The following DDX10 variants were observed in gnomAD, a reference collection of about 807,000 sequenced individuals.
DDX10 encodes the protein DEAD-box helicase 10.
A neutral mutation model predicts 104.3 loss-of-function variants in DDX10; 74 were observed. The observed-to-expected ratio is 0.71, with a 90% CI of 0.59 to 0.86. The LOEUF (loss-of-function observed/expected upper bound fraction) is 0.86, where lower values mean the gene tolerates loss of function less well. Among genes scored for constraint, DDX10 ranks in the 40% least tolerant of loss-of-function variants. DDX10 has a pLI of 0.00. For synonymous variants in DDX10, 351 were observed against 353.4 expected (o/e 0.99, Z 0.08); for missense variants, 952 against 1,040.0 (o/e 0.92, Z 1.16).
chr11:108,790,406 A>C (rs1411032862), intron 13 of DDX10, among the ~76,000 whole-genome samples: 1 of 152,200 alleles, frequency 6.6e-6, no homozygotes, highest in Non-Finnish European at 1.5e-5. Context: ...TGTGCAGATA[A>C]ATAACAATAT....
At chr11:108,702,045 C>T (rs1308603908) in intron 9 of DDX10, among the ~76,000 whole-genome samples, 4 of 152,020 alleles carry the variant, frequency 2.6e-5, no homozygotes, top group African/African-American at 4.8e-5. Context: ...ATTTGTTGTG[C>T]ATGTTTTAGG....
chr11:108,871,697 G>T (rs1863084028), intron 16 of DDX10, among the ~76,000 whole-genome samples: 1 of 152,142 alleles, frequency 6.6e-6, no homozygotes, highest in Non-Finnish European at 1.5e-5. Context: ...GCAGGCCGAG[G>T]TGGGTGTATC....
chr11:108,799,910 T>A (rs576252287), intron 13 of DDX10, among the ~76,000 whole-genome samples: 11 of 152,172 alleles, frequency 7.2e-5, no homozygotes, highest in African/African-American at 2.4e-4. Context: ...AGTTGTTCAT[T>A]TCCCTTTTTT....
intron 13 of DDX10, among the ~76,000 whole-genome samples, chr11:108,828,573 T>A (rs1862428349): frequency 6.6e-6 from 1 of 151,970 alleles, no homozygotes; most frequent in African/African-American, 2.4e-5. Context: ...CCGAAAAAAA[T>A]ATTTTTCATT....
chr11:108,768,675 A>T (rs1045382239), intron 13 of DDX10, among the ~76,000 whole-genome samples: 1 of 152,318 alleles, frequency 6.6e-6, no homozygotes, highest in South Asian at 2.1e-4. Context: ...CCTCATGTAC[A>T]ATTTAAGACC....
chr11:108,712,800 C>CT (rs1275020596), intron 10 of DDX10, among the ~76,000 whole-genome samples: 1 of 150,462 alleles, frequency 6.6e-6, no homozygotes, highest in Non-Finnish European at 1.5e-5. Flanking sequence ...GAGTTTCTCA[C>CT]TTACGTTTTT....
intron 16 of DDX10, among the ~76,000 whole-genome samples, chr11:108,867,867 G>A (rs1019390528): frequency 3.9e-5 from 6 of 152,124 alleles, no homozygotes; most frequent in African/African-American, 1.2e-4. Context: ...GACCCAGAGG[G>A]CACTACTTTA....
intron 6 of DDX10, among the ~76,000 whole-genome samples, chr11:108,687,189 C>G (rs1347457132): frequency 1.3e-5 from 2 of 152,226 alleles, no homozygotes; most frequent in Non-Finnish European, 2.9e-5. Context: ...GCTCCACATC[C>G]TTGCCAGCGT....
rs775913831 is a variant in DDX10 at position 108,696,567 on chromosome 11, C to T, written c.1223+2967C>T. On this transcript the variant is annotated intron_variant, in intron 9 of 17. Transcript: ENST00000322536. ...TGACCTTCTCCACTGTTATTCTCCTCAGTAAATGTGTAGTTGTGTAAATTT... is the reference window on the plus strand; with the variant it reads ...TGACCTTCTCCACTGTTATTCTCCTTAGTAAATGTGTAGTTGTGTAAATTT... Among the ~76,000 whole-genome samples the T allele has an allele frequency of 2.8e-4, 42 of 152,188 alleles. No individual in the cohort carries two copies. In the Middle Eastern group the frequency reaches 0.02, roughly 74 times the overall value.
At chr11:108,852,281 G>T (rs1469348839) in intron 16 of DDX10, 72 bp downstream of exon 16, 1 of 1,174,536 alleles carries the variant, frequency 8.5e-7, no homozygotes, top group Non-Finnish European at 1.2e-6. Flanking sequence ...TTATATTTTG[G>T]CAAGAACAAT....
chr11:108,803,498 G>A (rs959242394), intron 13 of DDX10, among the ~76,000 whole-genome samples: 1 of 150,322 alleles, frequency 6.7e-6, no homozygotes, highest in Non-Finnish European at 1.5e-5. Context: ...GGAGGCTCAG[G>A]CAGGAGAATT....
At chr11:108,877,355 T>C (rs1161742122) in intron 16 of DDX10, among the ~76,000 whole-genome samples, 2 of 152,332 alleles carry the variant, frequency 1.3e-5, no homozygotes, top group African/African-American at 4.8e-5. Flanking sequence ...GTAAGTTGTG[T>C]ATATTTATAG....
At chr11:108,668,984 T>C (rs754403226) in intron 1 of DDX10, among the ~76,000 whole-genome samples, 2 of 152,188 alleles carry the variant, frequency 1.3e-5, no homozygotes, top group Non-Finnish European at 1.5e-5. Context: ...CACGTCTGGC[T>C]TGGGGAGCTG....
At chr11:108,712,136 A>C (rs1322512985) in intron 10 of DDX10, among the ~76,000 whole-genome samples, 1 of 152,170 alleles carries the variant, frequency 6.6e-6, no homozygotes, top group Non-Finnish European at 1.5e-5. Flanking sequence ...TCTTTTGATT[A>C]GTGTTAGCAT....
At chr11:108,925,245 G>A (rs538240852) in intron 17 of DDX10, among the ~76,000 whole-genome samples, 1 of 152,264 alleles carries the variant, frequency 6.6e-6, no homozygotes, top group South Asian at 2.1e-4. Flanking sequence ...GTGAGGACTG[G>A]GTTGAGATGG....
At chr11:108,865,215 G>A (rs1459492654) in intron 16 of DDX10, among the ~76,000 whole-genome samples, 1 of 152,090 alleles carries the variant, frequency 6.6e-6, no homozygotes, top group African/African-American at 2.4e-5. Context: ...TAGAGGGTCC[G>A]ACAGCCTGGG....
chr11:108,711,274 T>G (rs1251033344), intron 10 of DDX10, among the ~76,000 whole-genome samples: 1 of 152,242 alleles, frequency 6.6e-6, no homozygotes, highest in Non-Finnish European at 1.5e-5. Context: ...TTTTGACTTG[T>G]GTTATTCAGA....
chr11:108,819,684 C>T (rs555768472), intron 13 of DDX10, among the ~76,000 whole-genome samples: 7 of 151,994 alleles, frequency 4.6e-5, no homozygotes, highest in East Asian at 1.9e-4. Context: ...CTATAACCTC[C>T]GCCTCCCAGG....
intron 16 of DDX10, among the ~76,000 whole-genome samples, chr11:108,879,955 C>T (rs1476494649): frequency 1.3e-5 from 2 of 152,068 alleles, no homozygotes. Context: ...AAAAAAATTG[C>T]TAGTAACTAA....
Sources: gnomAD v4.1 joint callset for allele counts (sites outside exome capture counted in the v4.1 genomes callset) on GRCh38, gnomAD v4.1.1 for gene constraint, MANE v1.5 for transcripts, NCBI Gene and HGNC (gene_info 2026-07-23, HGNC 2026-07-21) for gene names.